WT1: variants seen among roughly 807,000 people sequenced by gnomAD.
The protein encoded by WT1 is WT1 transcription factor, also known as Wilms tumor protein.
A neutral mutation model predicts 60.8 loss-of-function variants in WT1; 8 were observed. The observed-to-expected ratio is 0.13, with a 90% CI of 0.08 to 0.24. WT1 has a LOEUF of 0.24. Ranked by LOEUF, WT1 falls within the 10% of genes least tolerant of loss-of-function variation. The probability of loss-of-function intolerance (pLI) is 1.00; values close to 1 mark genes in which losing one functional copy is unlikely to be tolerated. For synonymous variants in WT1, 312 were observed against 297.1 expected, an observed-to-expected ratio of 1.05 and a Z score of -0.52; for missense variants, 568 against 711.8, an observed-to-expected ratio of 0.80 and a Z score of 2.30.
At chr11:32,396,179 G>A (rs762556997) in intron 7 of WT1, 78 bp downstream of exon 7, 33 of 1,595,252 alleles carry the variant, frequency 2.1e-5, no homozygotes, top group Non-Finnish European at 2.7e-5. Flanking sequence ...AAATAACCTG[G>A]GTCCTTAGCA....
At chr11:32,390,142 A>T (rs181833742) in intron 9 of WT1, among the ~76,000 whole-genome samples, 155 of 152,298 alleles carry the variant, frequency 1.0e-3, no homozygotes, top group Non-Finnish European at 1.6e-3. Flanking sequence ...CCTAGCCATG[A>T]TGGAAAAGCA....
At chr11:32,405,245 A>G (rs1852272699) in intron 5 of WT1, among the ~76,000 whole-genome samples, 1 of 152,160 alleles carries the variant, frequency 6.6e-6, no homozygotes, top group Non-Finnish European at 1.5e-5. Flanking sequence ...CCAGCCAATA[A>G]CTGTAAACAA....
Position 32,430,410 on chromosome 11 carries a change from G to C in WT1, c.662-1791C>G, listed in dbSNP as rs1853242115. The C allele has an allele frequency of 3.7e-6, 5 of 1,349,994 alleles. No homozygotes were observed. The Admixed American group carries it at 6.2e-5, about 17-fold the overall frequency. 83.6% of individuals were successfully genotyped at this position (1,349,994 alleles called of 1,614,324 possible). A position where few individuals can be genotyped will look rare whatever the true frequency, so the allele number is the denominator to read the frequency against. ...TTTCTGAAAGGACACTAAAAAGAGA[G>C]AGAGAGAAAGAGAGACAGACACAGA... is the stretch of plus-strand genomic sequence containing the variant. On this transcript the variant is annotated intron_variant, in intron 1 of 9. Transcript: ENST00000452863.
chr11:32,423,262 G>A (rs72909473), intron 3 of WT1, among the ~76,000 whole-genome samples: 7,001 of 152,350 alleles, frequency 0.046, 217 homozygotes, highest in Non-Finnish European at 0.074. Flanking sequence ...GGATGGACAG[G>A]GAGAAAGGTC....
intron 2 of WT1, 54 bp downstream of exon 2, chr11:32,428,440 AGAG>A: frequency 1.2e-6 from 2 of 1,611,704 alleles, no homozygotes; most frequent in South Asian, 1.1e-5. Flanking sequence ...TTCCTGGGGG[AGAG>A]GAGGATAGCA....
rs1852080215 is a variant in WT1 at position 32,399,472 on chromosome 11, A to T, written c.1113+476T>A. Among the ~76,000 whole-genome samples the T allele has an allele frequency of 2.0e-5, 3 of 152,244 alleles. No homozygotes were observed. The South Asian group carries it at 6.2e-4, about 32-fold the overall frequency. ...GGTAAAGTCCATTTTTCTAAAGTCC[A>T]TGTATAAAGCTTAGCACAATGCCTA... On this transcript the variant is annotated intron_variant, in intron 6 of 9. Coordinates refer to ENST00000452863, the MANE Select transcript of WT1 (RefSeq NM_024426.6).
Position 32,435,433 on chromosome 11 carries a change from A to G in WT1, c.-73T>C. 2.8e-5 allele frequency: 2 copies of G among 72,100 alleles called. No homozygotes were observed. The highest frequency in any genetic ancestry group is 5.3e-5 in the Non-Finnish European group (2 of 37,850). The allele number at this position is 72,100 out of a possible 1,614,324, so 4.5% of individuals were successfully genotyped here. On this transcript the variant is annotated 5_prime_UTR_variant, in exon 1 of 10. Transcript: ENST00000452863. Reference sequence around the variant, plus strand: ...CGGCTCTGGGTGGGTGGGTGGGTGAATGAGTAGGTGGGAGGGAGGGCGGGA... The same window carrying G: ...CGGCTCTGGGTGGGTGGGTGGGTGAGTGAGTAGGTGGGAGGGAGGGCGGGA...
chr11:32,393,598 A>C (rs1316076340), intron 7 of WT1, among the ~76,000 whole-genome samples: 1 of 152,202 alleles, frequency 6.6e-6, no homozygotes, highest in Non-Finnish European at 1.5e-5. Flanking sequence ...CCAATCTCAA[A>C]GCCTGGGCTA....
intron 5 of WT1, among the ~76,000 whole-genome samples, chr11:32,403,673 C>CA (rs1456689334): frequency 2.0e-5 from 3 of 150,070 alleles, no homozygotes; most frequent in Non-Finnish European, 3.0e-5. Flanking sequence ...CTCCTGGGTT[C>CA]ACGCCATTCT....
At chr11:32,420,689 A>C (rs1422605818) in intron 3 of WT1, among the ~76,000 whole-genome samples, 1 of 152,132 alleles carries the variant, frequency 6.6e-6, no homozygotes, top group African/African-American at 2.4e-5. Context: ...ATATAATAAT[A>C]ATAATAACAA....
intron 7 of WT1, among the ~76,000 whole-genome samples, chr11:32,394,753 A>G (rs2132931293): frequency 6.6e-6 from 1 of 152,196 alleles, no homozygotes; most frequent in East Asian, 1.9e-4. Context: ...ACCTGCCCTC[A>G]TCTTCTGCAA....
rs1157604194 is a variant in WT1 at position 32,435,373 on chromosome 11, G to T, written c.-13C>A. The T allele has an allele frequency of 3.9e-6, 6 of 1,524,326 alleles. No individual in the cohort carries two copies. The Admixed American group carries it at 1.2e-4, about 30-fold the overall frequency. 94.4% of individuals were successfully genotyped at this position (1,524,326 alleles called of 1,614,324 possible). A position where few individuals can be genotyped will look rare whatever the true frequency, so the allele number is the denominator to read the frequency against. Reference sequence around the variant, plus strand: ...AGAGGAAGTCCAGGATCGCGGCGAGGAGACGGCGGGGCCCGGGCGCCTGGG... The same window carrying T: ...AGAGGAAGTCCAGGATCGCGGCGAGTAGACGGCGGGGCCCGGGCGCCTGGG... On this transcript the variant is annotated 5_prime_UTR_variant, in exon 1 of 10. Transcript: ENST00000452863.
chr11:32,394,150 C>T (rs1294413578), intron 7 of WT1, among the ~76,000 whole-genome samples: 1 of 152,200 alleles, frequency 6.6e-6, no homozygotes, highest in Non-Finnish European at 1.5e-5. Context: ...GCCTACGCCT[C>T]CCAACATACT....
Position 32,428,554 on chromosome 11 carries a change from G to C in WT1, c.727C>G (p.Gln243Glu), listed in dbSNP as rs1371798561. The stretch of plus-strand genomic sequence containing the variant: ...TGCTTGAATGAGTGGTTGGGGAACT[G>C]CGCCGCATGGTGCGAGGGCGTGTGA... The change falls in exon 2 of 10, where the codon CAG becomes GAG. Residue 243 changes from glutamine to glutamate, a missense_variant. This residue lies in a region of WT1 where 523 missense variants were observed against 565.1 expected (regional missense o/e 0.93). Coordinates refer to ENST00000452863, the MANE Select transcript of WT1 (RefSeq NM_024426.6). 6.2e-7 allele frequency: 1 copy of C among 1,613,972 alleles called. No homozygotes were observed. The highest frequency in any genetic ancestry group is 8.5e-7 in the Non-Finnish European group (1 of 1,180,046).
At chr11:32,430,506 C>A (rs1201107839) in intron 1 of WT1, 4 of 1,475,198 alleles carry the variant, frequency 2.7e-6, no homozygotes, top group Non-Finnish European at 2.7e-6. Flanking sequence ...ATAGAAGCTA[C>A]GAAGAAGTTT....
intron 5 of WT1, among the ~76,000 whole-genome samples, chr11:32,407,945 A>G (rs1423172418): frequency 6.6e-6 from 1 of 152,158 alleles, no homozygotes. Flanking sequence ...AGGGGAGGCC[A>G]GGCGCGGTGG....
intron 6 of WT1, among the ~76,000 whole-genome samples, chr11:32,399,390 A>C (rs1412585675): frequency 6.6e-6 from 1 of 152,204 alleles, no homozygotes; most frequent in East Asian, 1.9e-4. Context: ...TAATTTATCA[A>C]TATTGGCTCA....
At chr11:32,432,440 G>C (rs963241476) in intron 1 of WT1, among the ~76,000 whole-genome samples, 7 of 152,202 alleles carry the variant, frequency 4.6e-5, no homozygotes, top group African/African-American at 7.2e-5. Context: ...CAGGATAGCA[G>C]CCGGAGCGCT....
chr11:32,396,185 T>C, intron 7 of WT1, 72 bp downstream of exon 7: 1 of 1,603,482 alleles, frequency 6.2e-7, no homozygotes, highest in East Asian at 2.2e-5. Context: ...CCTGGGTCCT[T>C]AGCAGTGTGA....
Sources: gnomAD v4.1 joint callset for allele counts (sites outside exome capture counted in the v4.1 genomes callset) on GRCh38, gnomAD v4.1.1 for gene constraint, gnomAD v4.1.1 regional missense constraint, MANE v1.5 for transcripts, NCBI Gene and HGNC (gene_info 2026-07-23, HGNC 2026-07-21) for gene names.